LINGO2: variants seen among roughly 807,000 people sequenced by gnomAD.
LINGO2 encodes the protein leucine-rich repeat and immunoglobulin-like domain-containing nogo receptor-interacting protein 2.
LINGO2 carries 14 observed loss-of-function variants against 30.6 expected under a neutral mutation model. The ratio of observed to expected loss-of-function variants is 0.46; its 90% CI spans 0.30 to 0.72. The LOEUF (loss-of-function observed/expected upper bound fraction) is 0.72, where lower values mean the gene tolerates loss of function less well. LINGO2 is among the 30% of genes least tolerant of loss of function. The pLI, the probability that LINGO2 is intolerant of heterozygous loss-of-function variation, is 0.07. For missense variants in LINGO2, 729 were observed against 751.7 expected (o/e 0.97, Z 0.35); for synonymous variants, 317 against 288.5 (o/e 1.10, Z -1.00).
intron 1 of LINGO2, among the ~76,000 whole-genome samples, chr9:28,543,006 G>T (rs1179022369): frequency 1.3e-5 from 2 of 152,092 alleles, no homozygotes; most frequent in Non-Finnish European, 2.9e-5. Context: ...AGGAGATCAG[G>T]CTTCAGTGAC....
At chr9:28,037,872 A>G (rs192366561) in intron 4 of LINGO2, among the ~76,000 whole-genome samples, 9 of 152,200 alleles carry the variant, frequency 5.9e-5, no homozygotes, top group African/African-American at 2.2e-4. Flanking sequence ...CAGCTACTCT[A>G]CTAGTCCTTT....
rs538938247 is a variant in LINGO2 at position 28,312,176 on chromosome 9, C to T, written c.-245-16810G>A. ...TTTTCTTTTTTTTGTATCCAGATAC[C>T]AATAATTGTCTGGTCAATCTTTTTA... is the stretch of plus-strand genomic sequence containing the variant. On this transcript the variant is annotated intron_variant, in intron 3 of 5. Transcript: ENST00000379992. Among the ~76,000 whole-genome samples the T allele has an allele frequency of 1.4e-3, 209 of 146,068 alleles. 2 individuals are homozygous for T. The highest frequency in any genetic ancestry group is 4.9e-3 in the Admixed American group (71 of 14,568).
chr9:29,042,036 T>C, the LINGO2 span, among the ~76,000 whole-genome samples: 1 of 151,834 alleles, frequency 6.6e-6, no homozygotes. Context: ...AATAAACACA[T>C]ATAGATGCAT....
chr9:28,044,218 G>C (rs1369206809), intron 4 of LINGO2, among the ~76,000 whole-genome samples: 1 of 152,212 alleles, frequency 6.6e-6, no homozygotes, highest in African/African-American at 2.4e-5. Flanking sequence ...TTTGTAAAAT[G>C]GGAGTAATGA....
At chr9:27,977,481 G>A (rs1007388634) in intron 5 of LINGO2, among the ~76,000 whole-genome samples, 3 of 151,930 alleles carry the variant, frequency 2.0e-5, no homozygotes, top group South Asian at 2.1e-4. Flanking sequence ...TCCAGATTAC[G>A]ACGACTCCCT....
exon 6 of LINGO2, chr9:27,949,080 G>T (rs1430079901): frequency 1.9e-6 from 3 of 1,614,054 alleles, no homozygotes; most frequent in Admixed American, 1.7e-5. Flanking sequence ...AAAAGTATTG[G>T]CATTGGTGCC....
At chr9:28,840,609 G>A in the LINGO2 span, among the ~76,000 whole-genome samples, 2 of 151,798 alleles carry the variant, frequency 1.3e-5, no homozygotes, top group Non-Finnish European at 2.9e-5. Context: ...TGCTTTCAAG[G>A]ATGGGACACA....
At chr9:28,879,162 A>C in the LINGO2 span, among the ~76,000 whole-genome samples, 1 of 152,146 alleles carries the variant, frequency 6.6e-6, no homozygotes, top group Non-Finnish European at 1.5e-5. Context: ...AAATCAATGT[A>C]CAAAAATCAC....
the LINGO2 span, among the ~76,000 whole-genome samples, chr9:29,041,143 C>A: frequency 6.6e-6 from 1 of 151,998 alleles, no homozygotes; most frequent in Non-Finnish European, 1.5e-5. Flanking sequence ...CTTAAACCTA[C>A]TGTGTTCACT....
At chr9:28,723,236 G>A in the LINGO2 span, among the ~76,000 whole-genome samples, 21 of 152,058 alleles carry the variant, frequency 1.4e-4, no homozygotes, top group Non-Finnish European at 2.9e-4. Context: ...ATGCTCTCAG[G>A]TGACGTTGCT....
chr9:28,512,580 G>GATATATAT (rs1820433358), intron 1 of LINGO2, among the ~76,000 whole-genome samples: 2 of 87,114 alleles, frequency 2.3e-5, no homozygotes, highest in Non-Finnish European at 4.2e-5. Context: ...GAACTAACAG[G>GATATATAT]ATATATATGT....
chr9:28,593,033 G>A (rs1464613231), intron 1 of LINGO2, among the ~76,000 whole-genome samples: 1 of 151,988 alleles, frequency 6.6e-6, no homozygotes, highest in Non-Finnish European at 1.5e-5. Context: ...TTAGAGGAAT[G>A]GGGATGCATT....
chr9:28,916,513 C>A, the LINGO2 span, among the ~76,000 whole-genome samples: 2 of 152,192 alleles, frequency 1.3e-5, no homozygotes, highest in Non-Finnish European at 2.9e-5. Flanking sequence ...TCTATTGACT[C>A]TAGTCTTTAG....
At chr9:28,267,481 C>T (rs1822793380) in intron 4 of LINGO2, among the ~76,000 whole-genome samples, 1 of 151,952 alleles carries the variant, frequency 6.6e-6, no homozygotes, top group Middle Eastern at 3.2e-3. Context: ...TACAGCTACC[C>T]GTCTAGTAAC....
At chr9:28,883,836 C>T in the LINGO2 span, among the ~76,000 whole-genome samples, 1 of 150,288 alleles carries the variant, frequency 6.7e-6, no homozygotes, top group African/African-American at 2.4e-5. Context: ...CGCCACCACA[C>T]CCAGCTAATT....
chr9:28,816,209 T>G, the LINGO2 span, among the ~76,000 whole-genome samples: 11 of 152,332 alleles, frequency 7.2e-5, no homozygotes, highest in Middle Eastern at 3.4e-3. Flanking sequence ...CTCTTAACAC[T>G]GTGGCATTGG....
At chr9:27,953,007 G>A (rs1406784212) in intron 5 of LINGO2, among the ~76,000 whole-genome samples, 3 of 152,016 alleles carry the variant, frequency 2.0e-5, no homozygotes, top group African/African-American at 4.8e-5. Flanking sequence ...AGAAAATTAG[G>A]AAATGAGTAT....
the LINGO2 span, among the ~76,000 whole-genome samples, chr9:28,696,447 A>T: frequency 6.6e-6 from 1 of 151,912 alleles, no homozygotes; most frequent in African/African-American, 2.4e-5. Context: ...CCAAACCTAC[A>T]GTTAACTTCT....
At chr9:28,940,144 T>C in the LINGO2 span, among the ~76,000 whole-genome samples, 2 of 152,182 alleles carry the variant, frequency 1.3e-5, no homozygotes, top group Admixed American at 1.3e-4. Flanking sequence ...CCTTACATGT[T>C]GCTGGGCAGT....
Sources: gnomAD v4.1 joint callset for allele counts (sites outside exome capture counted in the v4.1 genomes callset) on GRCh38, gnomAD v4.1.1 for gene constraint, MANE v1.5 for transcripts, NCBI Gene and HGNC (gene_info 2026-07-23, HGNC 2026-07-21) for gene names.